The following EPG5 variants were observed in gnomAD, a reference collection of about 807,000 sequenced individuals.
EPG5 encodes the protein ectopic P-granules 5 autophagy tethering factor.
A neutral mutation model predicts 302.7 loss-of-function variants in EPG5; 159 were observed. That is an observed-to-expected ratio of 0.53 (90% CI 0.46 to 0.60). The LOEUF (loss-of-function observed/expected upper bound fraction) is 0.60, where lower values mean the gene tolerates loss of function less well. Ranked by LOEUF, EPG5 falls within the 20% of genes least tolerant of loss-of-function variation. The pLI is 0.00. For missense variants in EPG5, 2,896 were observed against 3,092.4 expected (o/e 0.94, Z 1.51); for synonymous variants, 1,158 against 1,136.8 (o/e 1.02, Z -0.37).
the EPG5 span, among the ~76,000 whole-genome samples, chr18:45,820,773 C>T: frequency 2.6e-5 from 4 of 152,200 alleles, no homozygotes; most frequent in African/African-American, 4.8e-5. Context: ...CCCCAACACT[C>T]ACACAAGATT....
Position 45,939,684 on chromosome 18 carries a change from T to G in EPG5, c.2015A>C (p.Gln672Pro). The change falls in exon 10 of 44, where the codon CAA becomes CCA. Residue 672 changes from glutamine to proline, a missense_variant. Physicochemically the swap from Gln to Pro is moderately conservative, Grantham distance 76 (BLOSUM62 -1). Coordinates refer to ENST00000282041, the MANE Select transcript of EPG5 (RefSeq NM_020964.3). Reference protein sequence around the residue: ...VSHNQGSGLAQQPYSMEKLQV... With the variant: ...VSHNQGSGLAPQPYSMEKLQV... ...TAGTTTCTCCATAGAGTAGGGCTGT[T>G]GGGCCAATCCTGAGCCTTGGTTATG... is the stretch of plus-strand genomic sequence containing the variant. The G allele has an allele frequency of 6.2e-7, 1 of 1,614,124 alleles. No individual in the cohort carries two copies. The highest frequency in any genetic ancestry group is 1.1e-5 in the South Asian group (1 of 91,082).
At chr18:45,956,694 A>G (rs2051040905) in intron 1 of EPG5, among the ~76,000 whole-genome samples, 1 of 151,960 alleles carries the variant, frequency 6.6e-6, no homozygotes, top group South Asian at 2.1e-4. Context: ...CAGCCTCCCA[A>G]AGTGCTGGGA....
the EPG5 span, chr18:45,837,500 G>T: frequency 6.8e-7 from 1 of 1,477,230 alleles, no homozygotes; most frequent in African/African-American, 1.5e-5. Flanking sequence ...GACGCAGCCC[G>T]CCCCGCCCTC....
At chr18:45,940,387 A>G (rs1335528167) in intron 9 of EPG5, among the ~76,000 whole-genome samples, 1 of 152,210 alleles carries the variant, frequency 6.6e-6, no homozygotes, top group Non-Finnish European at 1.5e-5. Context: ...CTGGGCAGAC[A>G]GTGAATGGGC....
intron 41 of EPG5, 90 bp downstream of exon 41, chr18:45,858,476 G>A: frequency 2.1e-6 from 2 of 965,590 alleles, no homozygotes; most frequent in South Asian, 3.0e-5. Flanking sequence ...GCACCTCTTG[G>A]TTCTGTGTAC....
At chr18:45,896,739 A>C (rs1324151752) in intron 27 of EPG5, among the ~76,000 whole-genome samples, 1 of 152,090 alleles carries the variant, frequency 6.6e-6, no homozygotes, top group Non-Finnish European at 1.5e-5. Flanking sequence ...TTGTAAAGAC[A>C]GAGTTTCTCC....
chr18:45,878,084 A>AT (rs1243060017), intron 34 of EPG5, among the ~76,000 whole-genome samples: 11 of 152,176 alleles, frequency 7.2e-5, no homozygotes, highest in Admixed American at 2.0e-4. Context: ...GAACAGCATC[A>AT]TTTTTTCTGA....
At chr18:45,928,053 G>A (rs144339407) in intron 13 of EPG5, among the ~76,000 whole-genome samples, 1 of 151,988 alleles carries the variant, frequency 6.6e-6, no homozygotes, top group Non-Finnish European at 1.5e-5. Context: ...AAAATTAGCT[G>A]GGCATGGTGG....
the EPG5 span, among the ~76,000 whole-genome samples, chr18:45,836,303 G>C: frequency 6.6e-6 from 1 of 152,140 alleles, no homozygotes; most frequent in Non-Finnish European, 1.5e-5. Flanking sequence ...AGGGTCACAT[G>C]ACATGGTATC....
At chr18:45,901,207 G>A in intron 25 of EPG5, 40 bp from the exon 26 acceptor site, 1 of 1,548,986 alleles carries the variant, frequency 6.5e-7, no homozygotes, top group Non-Finnish European at 8.9e-7. Context: ...GCAATCAGGT[G>A]AATTAGCAGG....
downstream of EPG5, chr18:45,843,907 G>C (rs994706416): frequency 9.2e-5 from 14 of 152,082 alleles, no homozygotes; most frequent in African/African-American, 3.1e-4. Flanking sequence ...ACTACCATAT[G>C]ATCCAGTAAT....
At chr18:45,808,935 A>C in the EPG5 span, among the ~76,000 whole-genome samples, 1 of 152,208 alleles carries the variant, frequency 6.6e-6, no homozygotes, top group Non-Finnish European at 1.5e-5. Flanking sequence ...CACTTAAAAG[A>C]CACAGAATTG....
intron 32 of EPG5, among the ~76,000 whole-genome samples, chr18:45,879,761 C>T (rs533374684): frequency 5.3e-4 from 81 of 152,264 alleles, no homozygotes; most frequent in Non-Finnish European, 5.9e-4. Context: ...GGATAAAACC[C>T]AGAGCTCCAT....
intron 20 of EPG5, among the ~76,000 whole-genome samples, chr18:45,914,330 C>T (rs2049978789): frequency 6.6e-6 from 1 of 152,168 alleles, no homozygotes; most frequent in Non-Finnish European, 1.5e-5. Context: ...AGAGGAAAAG[C>T]CCGGGATGTG....
chr18:45,847,558 A>C (rs1344657545), downstream of EPG5: 1 of 152,372 alleles, frequency 6.6e-6, no homozygotes, highest in Non-Finnish European at 1.5e-5. Context: ...TTAATGTATG[A>C]AAAGACTGTC....
intron 1 of EPG5, among the ~76,000 whole-genome samples, chr18:45,955,825 A>G (rs2051016553): frequency 6.6e-6 from 1 of 152,244 alleles, no homozygotes; most frequent in Admixed American, 6.5e-5. Context: ...CCATACTGAC[A>G]TAATTACCTG....
the EPG5 span, among the ~76,000 whole-genome samples, chr18:45,815,426 A>G: frequency 6.6e-6 from 1 of 152,214 alleles, no homozygotes; most frequent in Non-Finnish European, 1.5e-5. Flanking sequence ...TTTGAAAAAA[A>G]AAAGAATTCA....
rs147058280 is a variant in EPG5, at chr18:45,871,228, T to C, written c.6050-486A>G. Reference sequence around the variant, plus strand: ...GAAATGCAAACTAAAACCACAACAATGTATCAGTGCACAGCTGTTAGGATA... The same window carrying C: ...GAAATGCAAACTAAAACCACAACAACGTATCAGTGCACAGCTGTTAGGATA... On this transcript the variant is annotated intron_variant, in intron 35 of 43. Transcript: ENST00000282041. Among the ~76,000 whole-genome samples the C allele has an allele frequency of 4.1e-4, 62 of 152,298 alleles. No individual in the cohort carries two copies. The highest frequency in any genetic ancestry group is 6.8e-3 in the Middle Eastern group (2 of 294).
chr18:45,856,717 T>C (rs925871236), intron 42 of EPG5, among the ~76,000 whole-genome samples: 1 of 152,238 alleles, frequency 6.6e-6, no homozygotes, highest in Non-Finnish European at 1.5e-5. Flanking sequence ...CAATGGGCTA[T>C]TCCACAAGAA....
Sources: gnomAD v4.1 joint callset for allele counts (sites outside exome capture counted in the v4.1 genomes callset) on GRCh38, gnomAD v4.1.1 for gene constraint, MANE v1.5 for transcripts, NCBI Gene and HGNC (gene_info 2026-07-23, HGNC 2026-07-21) for gene names.